Variants in ATP8B4 observed in about 807,000 individuals in gnomAD.
ATP8B4 encodes the protein ATPase phospholipid transporting 8B4 (putative).
A neutral mutation model predicts 145.6 loss-of-function variants in ATP8B4; 133 were observed. The ratio of observed to expected loss-of-function variants is 0.91; its 90% CI spans 0.79 to 1.05. ATP8B4 has a LOEUF of 1.05. Ranked by LOEUF, ATP8B4 falls within the 50% of genes least tolerant of loss-of-function variation. ATP8B4 has a pLI of 0.00. For synonymous variants in ATP8B4, 507 were observed against 492.9 expected (o/e 1.03, Z -0.38); for missense variants, 1,458 against 1,425.2 (o/e 1.02, Z -0.37).
At chr15:49,866,040 G>C (rs1463091860) in intron 26 of ATP8B4, among the ~76,000 whole-genome samples, 1 of 152,200 alleles carries the variant, frequency 6.6e-6, no homozygotes, top group East Asian at 1.9e-4. Context: ...ATGAGCATTT[G>C]ACAGGTCTTC....
At chr15:50,040,913 A>G (rs1263261990) in intron 5 of ATP8B4, among the ~76,000 whole-genome samples, 1 of 152,232 alleles carries the variant, frequency 6.6e-6, no homozygotes, top group East Asian at 1.9e-4. Context: ...GCTAGGTTCT[A>G]TACCTGATGC....
intron 1 of ATP8B4, among the ~76,000 whole-genome samples, chr15:50,147,288 T>C (rs1387896965): frequency 6.6e-6 from 1 of 151,914 alleles, no homozygotes; most frequent in African/African-American, 2.4e-5. Context: ...TGGTGCTGCA[T>C]GCCTGTAATC....
intron 1 of ATP8B4, among the ~76,000 whole-genome samples, chr15:50,138,112 T>C (rs990586887): frequency 2.6e-5 from 4 of 152,112 alleles, no homozygotes; most frequent in African/African-American, 9.7e-5. Context: ...CATACCCTGG[T>C]GGTGAGAGGG....
In ATP8B4 at chr15:49,922,048, A is replaced by G. The variant is rs1037418151; in HGVS notation, c.1758+1331T>C. On this transcript the variant is annotated intron_variant, in intron 17 of 27. Coordinates refer to ENST00000284509, the MANE Select transcript of ATP8B4 (RefSeq NM_024837.4). ...TTACAAAAGGAAACGGATGATTTAA[A>G]TTATTTAATTAGTACATGAAACACA... is the stretch of plus-strand genomic sequence containing the variant. 2.6e-5 allele frequency among the ~76,000 whole-genome samples: 4 copies of G among 152,248 alleles called. No individual in the cohort carries two copies. In the East Asian group the frequency reaches 7.7e-4, roughly 29 times the overall value.
At chr15:49,888,561 AT>A (rs962776809) in intron 23 of ATP8B4, among the ~76,000 whole-genome samples, 35 of 152,120 alleles carry the variant, frequency 2.3e-4, no homozygotes, top group African/African-American at 8.0e-4. Context: ...ACTTCAACCA[AT>A]TTTTTTTATT....
At chr15:50,161,430 ATCT>A (rs1218793685) in intron 1 of ATP8B4, among the ~76,000 whole-genome samples, 1 of 151,454 alleles carries the variant, frequency 6.6e-6, no homozygotes, top group African/African-American at 2.4e-5. Context: ...TTGTTTTGTG[ATCT>A]TCTCTTCTTC....
At chr15:49,880,886 G>C (rs905075802) in intron 23 of ATP8B4, among the ~76,000 whole-genome samples, 2 of 151,850 alleles carry the variant, frequency 1.3e-5, no homozygotes, top group African/African-American at 2.4e-5. Flanking sequence ...GCCTAGGCGG[G>C]TGGATCATGA....
chr15:50,072,142 C>A (rs1371425890), intron 3 of ATP8B4, among the ~76,000 whole-genome samples: 1 of 152,024 alleles, frequency 6.6e-6, no homozygotes, highest in Admixed American at 6.6e-5. Context: ...GAACAACACA[C>A]AAAAAACTCC....
At chr15:49,953,726 C>T (rs1387172187) in intron 14 of ATP8B4, among the ~76,000 whole-genome samples, 2 of 152,210 alleles carry the variant, frequency 1.3e-5, no homozygotes, top group Non-Finnish European at 2.9e-5. Context: ...CAGTGGTGGT[C>T]ACCCCTCCCT....
At chr15:50,106,641 T>C (rs1053149358) in intron 2 of ATP8B4, among the ~76,000 whole-genome samples, 4 of 152,232 alleles carry the variant, frequency 2.6e-5, no homozygotes, top group South Asian at 2.1e-4. Flanking sequence ...ATTTCATTTA[T>C]ATTCATTTCA....
chr15:50,032,584 G>T (rs1027484045), intron 6 of ATP8B4, among the ~76,000 whole-genome samples: 2 of 152,164 alleles, frequency 1.3e-5, no homozygotes, highest in Middle Eastern at 3.4e-3. Context: ...GGTATTTCTG[G>T]TTCTAGATCA....
At chr15:49,860,545 T>A in intron 27 of ATP8B4, 70 bp from the exon 28 acceptor site, 1 of 1,466,698 alleles carries the variant, frequency 6.8e-7, no homozygotes, top group Non-Finnish European at 9.1e-7. Context: ...GCCCACTTTG[T>A]AAAGTGAAAG....
intron 25 of ATP8B4, among the ~76,000 whole-genome samples, chr15:49,871,008 C>G (rs532542450): frequency 6.6e-6 from 1 of 152,224 alleles, no homozygotes; most frequent in Non-Finnish European, 1.5e-5. Context: ...ATTCCCTGTA[C>G]TTACTATGTG....
At position 50,074,045 on chromosome 15, in the gene ATP8B4, A is replaced by AT. The variant is rs1406690507; in HGVS notation, c.87+81dup. On this transcript the variant is annotated intron_variant, in intron 3 of 27. Transcript: ENST00000284509. ...AATGAAGAAAGTTTTTGGTGAAGTC[A>AT]TAAAGTTCTAGAAGACATGCATCCC... 3.8e-5 allele frequency: 48 copies of AT among 1,277,546 alleles called. 1 individual carries two copies. In the East Asian group the frequency reaches 1.2e-3, roughly 31 times the overall value. 79.1% of individuals were successfully genotyped at this position (1,277,546 alleles called of 1,614,324 possible).
At chr15:50,013,951 A>T (rs913457005) in intron 6 of ATP8B4, among the ~76,000 whole-genome samples, 4 of 152,180 alleles carry the variant, frequency 2.6e-5, no homozygotes, top group Non-Finnish European at 5.9e-5. Flanking sequence ...ATCATGCTCC[A>T]CGTCACTAGA....
intron 2 of ATP8B4, among the ~76,000 whole-genome samples, chr15:50,075,191 C>T (rs756663262): frequency 6.6e-6 from 1 of 151,202 alleles, no homozygotes; most frequent in Non-Finnish European, 1.5e-5. Context: ...CTTGGAGACA[C>T]GTGTTGGGGA....
intron 20 of ATP8B4, 106 bp downstream of exon 20, chr15:49,916,828 G>T: frequency 1.9e-6 from 2 of 1,034,480 alleles, no homozygotes; most frequent in South Asian, 3.4e-5. Flanking sequence ...ACTAAGTTAA[G>T]ACCACAGGAA....
intron 16 of ATP8B4, among the ~76,000 whole-genome samples, chr15:49,927,127 C>A (rs541319177): frequency 1.6e-4 from 25 of 152,106 alleles, no homozygotes; most frequent in African/African-American, 5.5e-4. Context: ...TATATAATGT[C>A]ATTTATATTT....
intron 15 of ATP8B4, among the ~76,000 whole-genome samples, chr15:49,932,451 T>C (rs964143549): frequency 1.3e-5 from 2 of 152,004 alleles, no homozygotes; most frequent in African/African-American, 2.4e-5. Flanking sequence ...GGAAAAAACT[T>C]AAAGCAATTA....
Sources: gnomAD v4.1 joint callset for allele counts (sites outside exome capture counted in the v4.1 genomes callset) on GRCh38, gnomAD v4.1.1 for gene constraint, MANE v1.5 for transcripts, NCBI Gene and HGNC (gene_info 2026-07-23, HGNC 2026-07-21) for gene names.